RAPGEF4: variants seen among roughly 807,000 people sequenced by gnomAD.
The protein encoded by RAPGEF4 is Rap guanine nucleotide exchange factor 4.
RAPGEF4 carries 66 observed loss-of-function variants against 147.9 expected under a neutral mutation model. The ratio of observed to expected loss-of-function variants is 0.45; its 90% confidence interval spans 0.37 to 0.55. The LOEUF is 0.55. Among genes scored for constraint, RAPGEF4 ranks in the 20% least tolerant of loss-of-function variants. RAPGEF4 has a pLI of 0.00. For missense variants in RAPGEF4, 1,071 were observed against 1,257.3 expected, an observed-to-expected ratio of 0.85 and a Z score of 2.24; for synonymous variants, 419 against 442.7, an observed-to-expected ratio of 0.95 and a Z score of 0.67.
intron 21 of RAPGEF4, 137 bp downstream of exon 21, chr2:173,017,641 C>A: frequency 1.4e-6 from 1 of 730,168 alleles, no homozygotes; most frequent in Non-Finnish European, 2.2e-6. Flanking sequence ...TTGGAGGTGC[C>A]CTTTGGTGGC....
intron 4 of RAPGEF4, among the ~76,000 whole-genome samples, chr2:172,910,571 C>T (rs1575207406): frequency 1.3e-5 from 2 of 152,354 alleles, no homozygotes. Flanking sequence ...CTTGCCCGTG[C>T]TCCACACTGT....
chr2:172,951,550 T>C (rs1688209848), intron 6 of RAPGEF4, among the ~76,000 whole-genome samples: 1 of 152,058 alleles, frequency 6.6e-6, no homozygotes, highest in African/African-American at 2.4e-5. Flanking sequence ...GTGCCAGATA[T>C]GGGGCAGGGA....
intron 6 of RAPGEF4, among the ~76,000 whole-genome samples, chr2:172,959,336 C>A (rs1689054948): frequency 6.6e-6 from 1 of 152,200 alleles, no homozygotes; most frequent in South Asian, 2.1e-4. Flanking sequence ...ATCTTCAAAG[C>A]CAGTTCTGAC....
At chr2:172,919,999 A>T (rs1045986178) in intron 5 of RAPGEF4, among the ~76,000 whole-genome samples, 2 of 152,080 alleles carry the variant, frequency 1.3e-5, no homozygotes, top group Admixed American at 6.5e-5. Flanking sequence ...TAGGGCAGAG[A>T]TGAGTCAACT....
intron 4 of RAPGEF4, among the ~76,000 whole-genome samples, chr2:172,864,337 A>C (rs754626582): frequency 3.3e-5 from 5 of 152,234 alleles, no homozygotes; most frequent in African/African-American, 1.2e-4. Context: ...GGAGGAACAC[A>C]AAAAGGTGTG....
chr2:172,819,528 C>G (rs371024542), intron 4 of RAPGEF4, among the ~76,000 whole-genome samples: 17,457 of 125,912 alleles, frequency 0.14, 1,143 homozygotes, highest in Middle Eastern at 0.25. Context: ...TGCAGTGGCG[C>G]GATCTCGGCT....
intron 23 of RAPGEF4, among the ~76,000 whole-genome samples, chr2:173,020,963 T>C (rs113665914): frequency 6.6e-6 from 1 of 152,340 alleles, no homozygotes; most frequent in Non-Finnish European, 1.5e-5. Flanking sequence ...GAACTCTTTG[T>C]TGTAATTCGC....
intron 4 of RAPGEF4, among the ~76,000 whole-genome samples, chr2:172,886,696 T>A (rs1021612690): frequency 2.0e-5 from 3 of 150,516 alleles, no homozygotes; most frequent in Non-Finnish European, 4.4e-5. Flanking sequence ...ACTGTCATGT[T>A]CACTAGGCAA....
At chr2:172,762,369 T>C (rs1159966274) in intron 1 of RAPGEF4, among the ~76,000 whole-genome samples, 1 of 152,190 alleles carries the variant, frequency 6.6e-6, no homozygotes, top group African/African-American at 2.4e-5. Flanking sequence ...CCACTGTTTC[T>C]TTTGCCAGAC....
intron 6 of RAPGEF4, among the ~76,000 whole-genome samples, chr2:172,951,064 A>C (rs1316326254): frequency 1.3e-5 from 2 of 152,274 alleles, no homozygotes; most frequent in Non-Finnish European, 2.9e-5. Flanking sequence ...CATGGGCTTC[A>C]TGCAGTCATT....
intron 1 of RAPGEF4, among the ~76,000 whole-genome samples, chr2:172,748,608 T>C (rs1474692766): frequency 6.6e-6 from 1 of 152,144 alleles, no homozygotes; most frequent in Non-Finnish European, 1.5e-5. Context: ...CAATTCAAGA[T>C]AGATTTGGGT....
At chr2:173,017,249 T>C in intron 20 of RAPGEF4, 45 bp downstream of exon 20, 1 of 1,581,954 alleles carries the variant, frequency 6.3e-7, no homozygotes. Flanking sequence ...CCTGTAGAAT[T>C]ACAATTCCCC....
At chr2:172,743,082 C>A (rs1694443388) in intron 1 of RAPGEF4, among the ~76,000 whole-genome samples, 1 of 152,180 alleles carries the variant, frequency 6.6e-6, no homozygotes, top group Non-Finnish European at 1.5e-5. Flanking sequence ...CTCCTCACAC[C>A]CCATGCAGCT....
chr2:173,010,849 G>C (rs1258396162), intron 17 of RAPGEF4, among the ~76,000 whole-genome samples: 3 of 152,256 alleles, frequency 2.0e-5, no homozygotes, highest in Middle Eastern at 3.4e-3. Flanking sequence ...TGTTGCCTCT[G>C]GAGGAGCAGA....
chr2:173,020,646 T>G lies in RAPGEF4; in HGVS notation c.2184T>G (p.Val728=). The change falls in exon 23 of 31, where the codon GTT becomes GTG. Residue 728 remains valine (V), a synonymous_variant. Coordinates refer to ENST00000397081, the MANE Select transcript of RAPGEF4 (RefSeq NM_007023.4). ...AGGTGGTGCTCAAACCTAATGATGT[T>G]TCAGTATTTACGACGCTCACCATTA... ...GEKVVLKPND[V]SVFTTLTING... 6.2e-7 allele frequency: 1 copy of G among 1,613,352 alleles called. No homozygotes were observed. The highest frequency in any genetic ancestry group is 8.5e-7 in the Non-Finnish European group (1 of 1,179,800).
intron 4 of RAPGEF4, among the ~76,000 whole-genome samples, chr2:172,871,235 T>C (rs1695207806): frequency 6.6e-6 from 1 of 152,228 alleles, no homozygotes; most frequent in Non-Finnish European, 1.5e-5. Context: ...ATGGATTTAG[T>C]GTGTTGCTCA....
At chr2:173,005,520 G>GTTTTTTTTTTTTTTTTTTTTTTTTT (rs573596077) in intron 17 of RAPGEF4, among the ~76,000 whole-genome samples, 13 of 86,718 alleles carry the variant, frequency 1.5e-4, no homozygotes, top group Non-Finnish European at 1.9e-4. Context: ...GTTGTTTTGT[G>GTTTTTTTTTTTTTTTTTTTTTTTTT]TTTTTTTTTT....
chr2:173,013,851 A>AT (rs1458148026), intron 17 of RAPGEF4, among the ~76,000 whole-genome samples: 1 of 152,182 alleles, frequency 6.6e-6, no homozygotes. Flanking sequence ...AGAGAAGAAG[A>AT]TATGGTGTAA....
Position 172,800,570 on chromosome 2 carries a change from T to C in RAPGEF4, c.297+2957T>C, listed in dbSNP as rs76345894. On this transcript the variant is annotated intron_variant, in intron 3 of 30. Coordinates refer to ENST00000397081, the MANE Select transcript of RAPGEF4 (RefSeq NM_007023.4). ...AAACAGAATCACTAAGAGATAGAGA[T>C]AGAGAGAGAGAGAGACAGGTTTGTT... Among the ~76,000 whole-genome samples, 77 of 151,286 alleles carry C rather than the reference T, an allele frequency of 5.1e-4. 1 individual carries two copies. In the East Asian group the frequency reaches 0.012, roughly 24 times the overall value.
Sources: allele counts gnomAD v4.1 joint callset (sites outside exome capture counted in the v4.1 genomes callset), GRCh38; gene constraint gnomAD v4.1.1; transcripts MANE v1.5; gene names NCBI Gene and HGNC (gene_info 2026-07-23, HGNC 2026-07-21).